Variants in MCTP1 observed in about 807,000 individuals in gnomAD.
The protein encoded by MCTP1 is multiple C2 and transmembrane domain containing 1.
A neutral mutation model predicts 120.6 loss-of-function variants in MCTP1; 69 were observed. The observed-to-expected ratio is 0.57, with a 90% CI of 0.47 to 0.70. The LOEUF is 0.70. Among genes scored for constraint, MCTP1 ranks in the 30% least tolerant of loss-of-function variants. MCTP1 has a pLI of 0.00. For synonymous variants in MCTP1, 529 were observed against 493.1 expected, an observed-to-expected ratio of 1.07 and a Z score of -0.96; for missense variants, 1,203 against 1,248.8, an observed-to-expected ratio of 0.96 and a Z score of 0.55.
chr5:95,085,351 T>A (rs1434156862), intron 1 of MCTP1, among the ~76,000 whole-genome samples: 2 of 152,002 alleles, frequency 1.3e-5, no homozygotes, highest in Non-Finnish European at 2.9e-5. Context: ...AACAAGATAT[T>A]AATTTGCATG....
At chr5:95,066,607 A>G (rs1208368835) in intron 1 of MCTP1, among the ~76,000 whole-genome samples, 1 of 152,250 alleles carries the variant, frequency 6.6e-6, no homozygotes, top group African/African-American at 2.4e-5. Context: ...GTCAACAGAT[A>G]AACTTATAAA....
chr5:94,804,675 T>G (rs951795613), intron 17 of MCTP1, among the ~76,000 whole-genome samples: 1 of 152,178 alleles, frequency 6.6e-6, no homozygotes, highest in Admixed American at 6.5e-5. Flanking sequence ...CCTGACCTCG[T>G]GATCTGCCCG....
At chr5:94,978,497 T>C (rs1035791727) in intron 2 of MCTP1, among the ~76,000 whole-genome samples, 1 of 152,078 alleles carries the variant, frequency 6.6e-6, no homozygotes. Flanking sequence ...ATGTGGTATA[T>C]ATATATAATG....
chr5:95,143,135 C>G (rs1039437156), intron 1 of MCTP1, among the ~76,000 whole-genome samples: 1 of 152,134 alleles, frequency 6.6e-6, no homozygotes, highest in Non-Finnish European at 1.5e-5. Flanking sequence ...CCACAGGACA[C>G]CAGCCCACCA....
intron 17 of MCTP1, among the ~76,000 whole-genome samples, chr5:94,832,319 C>A (rs1788702888): frequency 6.6e-6 from 1 of 152,122 alleles, no homozygotes; most frequent in South Asian, 2.1e-4. Flanking sequence ...GAAAAGTTAT[C>A]CAGTTTTACC....
chr5:94,710,584 A>G (rs985172515), intron 21 of MCTP1: 17 of 406,726 alleles, frequency 4.2e-5, no homozygotes, highest in Non-Finnish European at 6.5e-5. Context: ...AATCTGCACA[A>G]CTAACATGTT....
intron 1 of MCTP1, among the ~76,000 whole-genome samples, chr5:95,123,405 C>T (rs967260883): frequency 2.0e-5 from 3 of 152,126 alleles, no homozygotes; most frequent in Non-Finnish European, 4.4e-5. Flanking sequence ...CATTGCAGGC[C>T]TCTCCTTAAA....
chr5:94,821,354 A>C (rs748832543), intron 17 of MCTP1, among the ~76,000 whole-genome samples: 2 of 152,158 alleles, frequency 1.3e-5, no homozygotes, highest in Admixed American at 6.5e-5. Context: ...AAAATTGTGA[A>C]TCATGTATCT....
chr5:94,956,040 C>T (rs1561922316), intron 2 of MCTP1, among the ~76,000 whole-genome samples: 1 of 152,170 alleles, frequency 6.6e-6, no homozygotes, highest in Non-Finnish European at 1.5e-5. Context: ...CTGGTGGGTG[C>T]CCCTCTGGGA....
chr5:94,902,696 G>A (rs1193403887), intron 10 of MCTP1, among the ~76,000 whole-genome samples: 10 of 152,152 alleles, frequency 6.6e-5, no homozygotes, highest in Non-Finnish European at 1.2e-4. Context: ...TGTAGCTGCT[G>A]AAGTGTTTTC....
chr5:95,273,643 A>C (rs888560460), intron 1 of MCTP1, among the ~76,000 whole-genome samples: 1 of 152,194 alleles, frequency 6.6e-6, no homozygotes, highest in South Asian at 2.1e-4. Context: ...CAAAAAAGAG[A>C]ACCATTTTAT....
chr5:95,179,873 A>C (rs1014084108), intron 1 of MCTP1, among the ~76,000 whole-genome samples: 8 of 152,214 alleles, frequency 5.3e-5, no homozygotes, highest in African/African-American at 1.9e-4. Context: ...GAATTCACCA[A>C]CCAAGTTTCT....
intron 1 of MCTP1, among the ~76,000 whole-genome samples, chr5:95,188,610 C>T (rs1412401321): frequency 6.6e-6 from 1 of 152,024 alleles, no homozygotes; most frequent in Non-Finnish European, 1.5e-5. Flanking sequence ...TTATATGATT[C>T]CGTTTAAATA....
intron 19 of MCTP1, among the ~76,000 whole-genome samples, chr5:94,740,300 T>G (rs890371680): frequency 2.0e-5 from 3 of 152,226 alleles, no homozygotes; most frequent in African/African-American, 7.2e-5. Context: ...GAATTTGATT[T>G]TTTTAGATAT....
rs147576504 is a variant in MCTP1 at position 94,974,745 on chromosome 5, C to T, written c.839-21384G>A. On this transcript the variant is annotated intron_variant, in intron 2 of 22. Transcript: ENST00000515393. ...ATGCATGAAAAAAATGATTATGACCCTAAAAAAAACCAAAAAAATCTCCTT... is the reference window on the plus strand; with the variant it reads ...ATGCATGAAAAAAATGATTATGACCTTAAAAAAAACCAAAAAAATCTCCTT... Among the ~76,000 whole-genome samples, 3 of 151,462 alleles carry T rather than the reference C, an allele frequency of 2.0e-5. No homozygotes were observed. The East Asian group carries it at 5.8e-4, about 30-fold the overall frequency.
chr5:94,932,133 G>A (rs1473400603), intron 5 of MCTP1, 142 bp from the exon 6 acceptor site: 3 of 474,586 alleles, frequency 6.3e-6, no homozygotes, highest in African/African-American at 2.1e-5. Context: ...AAACTTGTTT[G>A]CCACGCACAC....
chr5:95,026,908 A>G (rs1433730651), intron 1 of MCTP1, among the ~76,000 whole-genome samples: 4 of 152,200 alleles, frequency 2.6e-5, no homozygotes, highest in Non-Finnish European at 4.4e-5. Flanking sequence ...ATCATTGAAG[A>G]TTTCTACTTA....
intron 12 of MCTP1, among the ~76,000 whole-genome samples, chr5:94,875,541 A>G (rs1392918876): frequency 6.6e-6 from 1 of 152,098 alleles, no homozygotes; most frequent in Non-Finnish European, 1.5e-5. Context: ...TATTTGGAAA[A>G]TAAGGTAGAG....
intron 17 of MCTP1, among the ~76,000 whole-genome samples, chr5:94,835,070 G>A (rs1407638313): frequency 6.6e-6 from 1 of 152,104 alleles, no homozygotes; most frequent in East Asian, 1.9e-4. Flanking sequence ...ACCCGCCTCA[G>A]CCTCCCAAAA....
Sources: allele counts gnomAD v4.1 joint callset (sites outside exome capture counted in the v4.1 genomes callset), GRCh38; gene constraint gnomAD v4.1.1; transcripts MANE v1.5; gene names NCBI Gene and HGNC (gene_info 2026-07-23, HGNC 2026-07-21).